The following SIN3A variants were observed in gnomAD, a reference collection of about 807,000 sequenced individuals.
SIN3A encodes SIN3 transcription regulator family member A.
A neutral mutation model predicts 146.1 loss-of-function variants in SIN3A; 14 were observed. That is an observed-to-expected ratio of 0.10 (90% CI 0.06 to 0.15). The LOEUF is 0.15. SIN3A is among the 10% of genes least tolerant of loss of function. The pLI, the probability that SIN3A is intolerant of heterozygous loss-of-function variation, is 1.00. For synonymous variants in SIN3A, 572 were observed against 572.0 expected, an observed-to-expected ratio of 1.00 and a Z score of 0.00; for missense variants, 1,028 against 1,576.0, an observed-to-expected ratio of 0.65 and a Z score of 5.89.
At chr15:75,419,008 C>T (rs760781226) in intron 3 of SIN3A, among the ~76,000 whole-genome samples, 1 of 152,008 alleles carries the variant, frequency 6.6e-6, no homozygotes, top group East Asian at 1.9e-4. Context: ...CTGCCCGCCT[C>T]GGCCTCTTAA....
intron 13 of SIN3A, among the ~76,000 whole-genome samples, chr15:75,395,800 G>A (rs2073290624): frequency 6.6e-6 from 1 of 152,172 alleles, no homozygotes; most frequent in African/African-American, 2.4e-5. Flanking sequence ...AGCTATTCGG[G>A]AGGCTGAGGT....
At chr15:75,374,213 C>T (rs980345223) in intron 20 of SIN3A, among the ~76,000 whole-genome samples, 1 of 152,026 alleles carries the variant, frequency 6.6e-6, no homozygotes, top group African/African-American at 2.4e-5. Flanking sequence ...ATAATATCTA[C>T]ATCTGGGCGT....
intron 1 of SIN3A, among the ~76,000 whole-genome samples, chr15:75,434,383 C>T (rs1026971951): frequency 3.9e-5 from 6 of 152,156 alleles, no homozygotes; most frequent in Admixed American, 6.5e-5. Context: ...GGCGCGGTGG[C>T]TCATGCCTGT....
Position 75,371,272 on chromosome 15 carries a change from TAGTAAA to T in SIN3A, c.*701_*706del, listed in dbSNP as rs1223142403. Reference sequence around the variant, plus strand: ...GCTGGTGGATGGCACTAAGGTAGACTAGTAAAGAGGCAGATACAAAACAGTTCCACG... The same window carrying T: ...GCTGGTGGATGGCACTAAGGTAGACTGAGGCAGATACAAAACAGTTCCACG... On this transcript the variant is annotated 3_prime_UTR_variant, in exon 21 of 21. Coordinates refer to ENST00000394947, the MANE Select transcript of SIN3A (RefSeq NM_001145358.2). 6.6e-6 allele frequency: 1 copy of T among 152,578 alleles called. No individual in the cohort carries two copies. Among genetic ancestry groups the T allele is most frequent in the Non-Finnish European group, 1.5e-5 (1 of 68,048 alleles). The allele number at this position is 152,578 out of a possible 1,614,324, so 9.5% of individuals were successfully genotyped here.
intron 1 of SIN3A, among the ~76,000 whole-genome samples, chr15:75,432,227 C>A (rs2074025017): frequency 6.6e-6 from 1 of 152,124 alleles, no homozygotes; most frequent in Non-Finnish European, 1.5e-5. Context: ...TAAACCTCAG[C>A]GTGTTTTGGG....
intron 17 of SIN3A, among the ~76,000 whole-genome samples, chr15:75,382,072 G>C (rs1263736189): frequency 6.6e-6 from 1 of 152,208 alleles, no homozygotes; most frequent in Non-Finnish European, 1.5e-5. Context: ...CCACTTCTAG[G>C]ACGTAATAGA....
intron 2 of SIN3A, among the ~76,000 whole-genome samples, chr15:75,428,964 AT>A (rs1356516541): frequency 6.6e-6 from 1 of 152,030 alleles, no homozygotes; most frequent in Non-Finnish European, 1.5e-5. Flanking sequence ...TGGTAGATAT[AT>A]TTTCTCTTCC....
intron 5 of SIN3A, among the ~76,000 whole-genome samples, chr15:75,412,241 T>C (rs764499761): frequency 2.0e-5 from 3 of 152,218 alleles, no homozygotes; most frequent in Admixed American, 6.5e-5. Flanking sequence ...CTAGTGCAAA[T>C]GAAAAACTGA....
chr15:75,435,022 G>A (rs1048233381), intron 1 of SIN3A, among the ~76,000 whole-genome samples: 1 of 151,894 alleles, frequency 6.6e-6, no homozygotes, highest in Admixed American at 6.6e-5. Context: ...AGGATACAGG[G>A]AAACACTGAT....
chr15:75,410,079 C>A, intron 7 of SIN3A, 55 bp downstream of exon 7: 1 of 1,603,098 alleles, frequency 6.2e-7, no homozygotes, highest in Non-Finnish European at 8.5e-7. Flanking sequence ...CACAGTTTTC[C>A]AACTCATCTA....
chr15:75,418,216 G>A (rs2073777057), intron 3 of SIN3A, among the ~76,000 whole-genome samples: 1 of 151,886 alleles, frequency 6.6e-6, no homozygotes, highest in South Asian at 2.1e-4. Context: ...ATTTTTAGTA[G>A]AGATGGGGTG....
At chr15:75,444,540 C>T (rs746958300) in intron 1 of SIN3A, among the ~76,000 whole-genome samples, 1 of 151,856 alleles carries the variant, frequency 6.6e-6, no homozygotes, top group Non-Finnish European at 1.5e-5. Flanking sequence ...GTAGTTAGTA[C>T]TGCTTTAAAA....
chr15:75,396,878 C>T (rs1024692362), intron 12 of SIN3A, among the ~76,000 whole-genome samples: 4 of 152,168 alleles, frequency 2.6e-5, no homozygotes, highest in Non-Finnish European at 5.9e-5. Flanking sequence ...TTTACTGAAA[C>T]GTTTCCCTGA....
rs567193806 is a variant in SIN3A, at chr15:75,431,449, A to G, written c.-33-1041T>C. Among the ~76,000 whole-genome samples the G allele has an allele frequency of 3.3e-5, 5 of 152,204 alleles. No individual in the cohort carries two copies. In the East Asian group the frequency reaches 5.8e-4, roughly 18 times the overall value. On this transcript the variant is annotated intron_variant, in intron 1 of 20. Transcript: ENST00000394947. The stretch of plus-strand genomic sequence containing the variant: ...CTACTTGGGTCTTCAGAGCTTTTCC[A>G]TATCAGTATCACTAACACAAGCATA...
rs1232336475 is a variant in SIN3A at position 75,394,758 on chromosome 15, C to A, written c.2199G>T (p.Gly733=). Residue 733 remains glycine (G), a synonymous_variant, in exon 14 of 21, where the codon GGG becomes GGT. Transcript: ENST00000394947. Reference sequence around the variant, plus strand: ...TGGTGTCATTCTGTTTAAAGTTGATCCCCTGGTGGTCCAGAGACTTCAAGT... The same window carrying A: ...TGGTGTCATTCTGTTTAAAGTTGATACCCTGGTGGTCCAGAGACTTCAAGT... ...KYYLKSLDHQ[G]INFKQNDTKV... 6.2e-7 allele frequency: 1 copy of A among 1,614,104 alleles called. No homozygotes were observed. The highest frequency in any genetic ancestry group is 1.7e-5 in the Admixed American group (1 of 60,026).
chr15:75,454,003 G>A (rs1405547651), upstream of SIN3A: 2 of 152,248 alleles, frequency 1.3e-5, no homozygotes, highest in African/African-American at 4.8e-5. Context: ...CACATGTGCG[G>A]AGCGCGCTCA....
chr15:75,429,712 T>C (rs1040701765), intron 2 of SIN3A, among the ~76,000 whole-genome samples: 5 of 152,176 alleles, frequency 3.3e-5, no homozygotes, highest in African/African-American at 1.2e-4. Flanking sequence ...AACAGCCCAA[T>C]AGTCCAACAG....
chr15:75,405,293 G>A (rs1455761284), intron 9 of SIN3A, among the ~76,000 whole-genome samples: 2 of 151,386 alleles, frequency 1.3e-5, no homozygotes, highest in Non-Finnish European at 2.9e-5. Flanking sequence ...TTGAACCCAG[G>A]AGATGGAGGT....
intron 1 of SIN3A, among the ~76,000 whole-genome samples, chr15:75,440,017 A>G (rs888717699): frequency 6.6e-6 from 1 of 151,408 alleles, no homozygotes; most frequent in African/African-American, 2.4e-5. Flanking sequence ...TGGGCGTGGT[A>G]GCGGGCGCCT....
Sources: allele counts gnomAD v4.1 joint callset (sites outside exome capture counted in the v4.1 genomes callset), GRCh38; gene constraint gnomAD v4.1.1; transcripts MANE v1.5; gene names NCBI Gene and HGNC (gene_info 2026-07-23, HGNC 2026-07-21).